The following IL16 variants were observed in gnomAD, a reference collection of about 807,000 sequenced individuals.
The protein encoded by IL16 is pro-interleukin-16.
IL16 carries 67 observed loss-of-function variants against 110.1 expected under a neutral mutation model. That is an observed-to-expected ratio of 0.61 (90% CI 0.50 to 0.75). IL16 has a LOEUF of 0.75. IL16 is among the 30% of genes least tolerant of loss of function. The pLI, the probability that IL16 is intolerant of heterozygous loss-of-function variation, is 0.00. For synonymous variants in IL16, 689 were observed against 662.9 expected, an observed-to-expected ratio of 1.04 and a Z score of -0.61; for missense variants, 1,545 against 1,655.0, an observed-to-expected ratio of 0.93 and a Z score of 1.15.
intron 2 of IL16, among the ~76,000 whole-genome samples, chr15:81,228,220 T>C (rs1026663518): frequency 3.3e-5 from 5 of 151,976 alleles, no homozygotes; most frequent in African/African-American, 1.2e-4. Flanking sequence ...TACTTGAGAA[T>C]GGCTAGATGG....
chr15:81,253,682 A>C (rs1897846986), intron 2 of IL16, among the ~76,000 whole-genome samples: 1 of 152,218 alleles, frequency 6.6e-6, no homozygotes. Context: ...GCATGTGAAT[A>C]TCTGGTTGTC....
chr15:81,255,457 C>T (rs537407858), intron 2 of IL16, among the ~76,000 whole-genome samples: 16 of 152,210 alleles, frequency 1.1e-4, no homozygotes, highest in Non-Finnish European at 1.9e-4. Flanking sequence ...GGGAAGGGAA[C>T]AACCTTCTGT....
chr15:81,221,459 C>T (rs181188952), intron 1 of IL16, among the ~76,000 whole-genome samples: 2 of 152,288 alleles, frequency 1.3e-5, no homozygotes, highest in East Asian at 3.9e-4. Flanking sequence ...GGCTTGCCCC[C>T]CAGCTCTGCT....
upstream of IL16, among the ~76,000 whole-genome samples, chr15:81,193,549 A>G (rs1215422702): frequency 6.6e-6 from 1 of 152,162 alleles, no homozygotes; most frequent in Admixed American, 6.5e-5. Flanking sequence ...TGCAAGCCTG[A>G]TGGACAGTTT....
At chr15:81,296,497 C>T (rs1274643372) in intron 12 of IL16, among the ~76,000 whole-genome samples, 1 of 152,210 alleles carries the variant, frequency 6.6e-6, no homozygotes. Flanking sequence ...AAGCATTTTC[C>T]TGAGTGCTCT....
chr15:81,194,073 A>T (rs950280450), upstream of IL16, among the ~76,000 whole-genome samples: 2 of 152,258 alleles, frequency 1.3e-5, no homozygotes, highest in Admixed American at 1.3e-4. Flanking sequence ...AAAAGTGTAC[A>T]GCATAAAGAA....
chr15:81,282,810 A>G, intron 9 of IL16, 54 bp downstream of exon 9: 1 of 1,216,010 alleles, frequency 8.2e-7, no homozygotes, highest in Non-Finnish European at 1.2e-6. Context: ...CCAGGAAAGA[A>G]ATACCTTAGA....
At chr15:81,276,484 G>A (rs1380351398) in intron 6 of IL16, among the ~76,000 whole-genome samples, 1 of 152,220 alleles carries the variant, frequency 6.6e-6, no homozygotes, top group East Asian at 1.9e-4. Flanking sequence ...TTGGGTCCAT[G>A]TGAGGCTCTG....
intron 11 of IL16, chr15:81,292,302 G>T: frequency 1.9e-6 from 1 of 533,688 alleles, no homozygotes; most frequent in Non-Finnish European, 3.4e-6. Flanking sequence ...TTCCTCGATG[G>T]GTGATCTGGG....
Position 81,197,046 on chromosome 15 carries a change from C to G in IL16, c.-208C>G, listed in dbSNP as rs958708825. 7.8e-7 allele frequency: 1 copy of G among 1,288,710 alleles called. No homozygotes were observed. The highest frequency in any genetic ancestry group is 1.0e-6 in the Non-Finnish European group (1 of 988,564). 79.8% of individuals were successfully genotyped at this position (1,288,710 alleles called of 1,614,324 possible). ...CTCTGACCCAGGCCTGGGCCACAGG[C>G]TGTCCGGGAATAAGTGGTGCTGCAA... On this transcript the variant is annotated 5_prime_UTR_variant, in exon 1 of 19. Transcript: ENST00000683961.
chr15:81,297,262 G>T (rs559681925), intron 13 of IL16, among the ~76,000 whole-genome samples, 184 bp downstream of exon 13: 1 of 152,156 alleles, frequency 6.6e-6, no homozygotes, highest in African/African-American at 2.4e-5. Context: ...GCTGTCCAGG[G>T]TGGGGAGCCT....
chr15:81,207,767 G>A (rs4444297), intron 1 of IL16, among the ~76,000 whole-genome samples: 12,060 of 151,366 alleles, frequency 0.08, 848 homozygotes, highest in South Asian at 0.3. Context: ...TTACTCCACC[G>A]TTAATAGGTA....
At chr15:81,255,085 A>G (rs553273115) in intron 2 of IL16, among the ~76,000 whole-genome samples, 21 of 152,300 alleles carry the variant, frequency 1.4e-4, no homozygotes, top group African/African-American at 5.1e-4. Context: ...TGATGAAGAA[A>G]CTGTTTAGCT....
chr15:81,296,991 G>A lies in IL16; in HGVS notation c.1966G>A (p.Ala656Thr). 1.2e-6 allele frequency: 2 copies of A among 1,613,884 alleles called. No homozygotes were observed. Among genetic ancestry groups the A allele is most frequent in the Non-Finnish European group, 1.7e-6 (2 of 1,179,940 alleles). ...AGACACAGCAGGGAGAAGCCCTAGT[G>A]CCTCTGCCGGCTGCCCAGGACCTGG... ...QEDTAGRSPS[A>T]SAGCPGPGIG... The change falls in exon 13 of 19, where the codon GCC (alanine) becomes ACC (threonine). Residue 656 changes from alanine (A) to threonine (T), a missense_variant. Ala to Thr is a moderately conservative substitution (Grantham distance 58). Transcript: ENST00000683961.
intron 2 of IL16, among the ~76,000 whole-genome samples, chr15:81,230,859 T>C (rs1262903939): frequency 1.3e-5 from 2 of 152,002 alleles, no homozygotes; most frequent in Non-Finnish European, 2.9e-5. Context: ...TCAGTATACA[T>C]GGGTGGCGGA....
intron 2 of IL16, among the ~76,000 whole-genome samples, chr15:81,254,720 A>G (rs1897887524): frequency 6.6e-6 from 1 of 152,216 alleles, no homozygotes; most frequent in African/African-American, 2.4e-5. Context: ...GAGCAGAAAC[A>G]GAAGAGTTCT....
intron 6 of IL16, among the ~76,000 whole-genome samples, chr15:81,275,556 G>T (rs1470746033): frequency 1.3e-5 from 2 of 151,976 alleles, no homozygotes; most frequent in East Asian, 3.9e-4. Context: ...AAAGGGGTGG[G>T]GGAAGGGTTG....
chr15:81,307,738 T>G (rs1386054728), intron 18 of IL16, among the ~76,000 whole-genome samples: 1 of 152,120 alleles, frequency 6.6e-6, no homozygotes, highest in African/African-American at 2.4e-5. Flanking sequence ...GAAGGAGAGA[T>G]GCAGATTCTG....
chr15:81,292,004 A>C (rs986897548), intron 11 of IL16: 4 of 455,714 alleles, frequency 8.8e-6, no homozygotes, highest in African/African-American at 8.0e-5. Flanking sequence ...GGGGTTCACT[A>C]CCTGTGGCAG....
Sources: gnomAD v4.1 joint callset for allele counts (sites outside exome capture counted in the v4.1 genomes callset) on GRCh38, gnomAD v4.1.1 for gene constraint, MANE v1.5 for transcripts, NCBI Gene and HGNC (gene_info 2026-07-23, HGNC 2026-07-21) for gene names.